The following CTNNA2 variants were observed in gnomAD, a reference collection of about 807,000 sequenced individuals.
The protein encoded by CTNNA2 is catenin alpha 2, also known as catenin alpha-2.
CTNNA2 carries 42 observed loss-of-function variants against 101.0 expected under a neutral mutation model. That is an observed-to-expected ratio of 0.42 (90% CI 0.32 to 0.54). The LOEUF is 0.54. Among genes scored for constraint, CTNNA2 ranks in the 20% least tolerant of loss-of-function variants. CTNNA2 has a pLI of 0.14. For missense variants in CTNNA2, 871 were observed against 1,223.1 expected (o/e 0.71, Z 4.29); for synonymous variants, 450 against 456.4 (o/e 0.99, Z 0.18).
At chr2:79,572,955 A>C (rs1288594278) in intron 1 of CTNNA2, among the ~76,000 whole-genome samples, 1 of 152,174 alleles carries the variant, frequency 6.6e-6, no homozygotes, top group Non-Finnish European at 1.5e-5. Context: ...CCACGGCCAG[A>C]ATGTTTCACA....
intron 9 of CTNNA2, among the ~76,000 whole-genome samples, chr2:80,488,847 A>G (rs1361345683): frequency 6.6e-6 from 1 of 152,230 alleles, no homozygotes; most frequent in African/African-American, 2.4e-5. Context: ...TTAGTGGAAT[A>G]AAAGTAGGAA....
chr2:80,367,395 G>A (rs1246311758), intron 7 of CTNNA2, among the ~76,000 whole-genome samples: 1 of 152,038 alleles, frequency 6.6e-6, no homozygotes, highest in Non-Finnish European at 1.5e-5. Flanking sequence ...ATAAAAAGAA[G>A]CTTTAGGGTT....
At chr2:79,519,892 C>T (rs890823153) in intron 1 of CTNNA2, among the ~76,000 whole-genome samples, 2 of 152,168 alleles carry the variant, frequency 1.3e-5, no homozygotes, top group African/African-American at 4.8e-5. Flanking sequence ...GTGTGGTTGG[C>T]TTGTTTCGGC....
At chr2:79,546,499 T>A (rs1022119860) in intron 1 of CTNNA2, among the ~76,000 whole-genome samples, 1 of 152,188 alleles carries the variant, frequency 6.6e-6, no homozygotes, top group Non-Finnish European at 1.5e-5. Flanking sequence ...GTAATTTCCT[T>A]ATAGTCCCTT....
intron 9 of CTNNA2, among the ~76,000 whole-genome samples, chr2:80,495,622 A>G (rs2149524110): frequency 6.6e-6 from 1 of 152,312 alleles, no homozygotes; most frequent in South Asian, 2.1e-4. Context: ...TTAAAGCAGT[A>G]TGGCTGGTGT....
intron 7 of CTNNA2, among the ~76,000 whole-genome samples, chr2:80,117,455 AGT>A (rs59521287): frequency 0.015 from 2,128 of 145,948 alleles, 36 homozygotes; most frequent in African/African-American, 0.043. Context: ...TTCCTGTGTG[AGT>A]GTGTGTGTGT....
intron 9 of CTNNA2, among the ~76,000 whole-genome samples, chr2:80,518,929 A>G (rs12615084): frequency 0.56 from 84,799 of 151,854 alleles, 25,244 homozygotes; most frequent in African/African-American, 0.78. Flanking sequence ...GTTCACTTCC[A>G]CCCCTGGATA....
intron 9 of CTNNA2, among the ~76,000 whole-genome samples, chr2:80,508,580 G>T (rs956501749): frequency 6.6e-6 from 1 of 150,830 alleles, no homozygotes; most frequent in Non-Finnish European, 1.5e-5. Context: ...ACTCTCTCTA[G>T]TCTATATTTT....
At chr2:80,263,850 C>T (rs930921476) in intron 7 of CTNNA2, among the ~76,000 whole-genome samples, 4 of 152,176 alleles carry the variant, frequency 2.6e-5, no homozygotes, top group African/African-American at 9.7e-5. Flanking sequence ...TTTTTTACAG[C>T]CACTGAATGT....
intron 7 of CTNNA2, among the ~76,000 whole-genome samples, chr2:80,134,931 A>G (rs1299376037): frequency 2.6e-5 from 4 of 152,110 alleles, no homozygotes; most frequent in African/African-American, 4.8e-5. Flanking sequence ...CGACAATGTT[A>G]TTGTTATGGT....
At chr2:79,553,383 TC>T (rs751103665) in intron 1 of CTNNA2, among the ~76,000 whole-genome samples, 1 of 152,182 alleles carries the variant, frequency 6.6e-6, no homozygotes, top group Non-Finnish European at 1.5e-5. Flanking sequence ...GTTACCTAGT[TC>T]CAAAGTTGCT....
At chr2:79,255,459 C>T (rs770716190) in intron 2 of CTNNA2, among the ~76,000 whole-genome samples, 6 of 152,026 alleles carry the variant, frequency 3.9e-5, no homozygotes, top group Non-Finnish European at 8.8e-5. Flanking sequence ...CTCAATCTTT[C>T]GAATAGAGAG....
At chr2:80,291,722 G>C (rs1675268651) in intron 7 of CTNNA2, among the ~76,000 whole-genome samples, 1 of 152,180 alleles carries the variant, frequency 6.6e-6, no homozygotes, top group Admixed American at 6.5e-5. Flanking sequence ...ACTATAGATA[G>C]CAAACAGCTC....
chr2:79,891,881 A>AT (rs1346132777), intron 6 of CTNNA2, among the ~76,000 whole-genome samples: 37 of 151,956 alleles, frequency 2.4e-4, no homozygotes, highest in Admixed American at 2.4e-3. Context: ...GACTGTGAAT[A>AT]TTTTTTCCTA....
intron 6 of CTNNA2, among the ~76,000 whole-genome samples, chr2:79,898,321 G>A (rs571821999): frequency 6.6e-6 from 1 of 151,902 alleles, no homozygotes; most frequent in Admixed American, 6.6e-5. Context: ...ATTTTTAGTA[G>A]AGATGGGGTT....
At chr2:79,458,963 G>GA (rs1361158079) in intron 4 of CTNNA2, among the ~76,000 whole-genome samples, 4 of 151,846 alleles carry the variant, frequency 2.6e-5, no homozygotes, top group Non-Finnish European at 5.9e-5. Context: ...TAACTATCCT[G>GA]ACACTCCAAT....
chr2:80,329,957 G>T (rs1182614665), intron 7 of CTNNA2, among the ~76,000 whole-genome samples: 3 of 152,240 alleles, frequency 2.0e-5, no homozygotes, highest in African/African-American at 7.2e-5. Context: ...CTGGCTTATG[G>T]CTCTTCCGAA....
chr2:80,505,007 A>G (rs1428111599), intron 9 of CTNNA2, among the ~76,000 whole-genome samples: 2 of 152,216 alleles, frequency 1.3e-5, no homozygotes, highest in African/African-American at 4.8e-5. Context: ...CCAGCAGAGC[A>G]CTGGGTCCTT....
At chr2:80,622,402 T>G (rs149025501) in intron 18 of CTNNA2, among the ~76,000 whole-genome samples, 1 of 152,004 alleles carries the variant, frequency 6.6e-6, no homozygotes, top group East Asian at 2.0e-4. Context: ...TTAACAGATT[T>G]AGAAACGTCA....
Sources: allele counts gnomAD v4.1 joint callset (sites outside exome capture counted in the v4.1 genomes callset), GRCh38; gene constraint gnomAD v4.1.1; transcripts MANE v1.5; gene names NCBI Gene and HGNC (gene_info 2026-07-23, HGNC 2026-07-21).